MDGA2: variants seen among roughly 807,000 people sequenced by gnomAD.
MDGA2 encodes the protein MAM domain-containing glycosylphosphatidylinositol anchor protein 2.
A neutral mutation model predicts 117.8 loss-of-function variants in MDGA2; 40 were observed. That is an observed-to-expected ratio of 0.34 (90% CI 0.26 to 0.44). The LOEUF is 0.44. Ranked by LOEUF, MDGA2 falls within the 20% of genes least tolerant of loss-of-function variation. The pLI is 1.00. For synonymous variants in MDGA2, 452 were observed against 439.0 expected (o/e 1.03, Z -0.37); for missense variants, 1,123 against 1,250.6 (o/e 0.90, Z 1.54).
intron 3 of MDGA2, among the ~76,000 whole-genome samples, chr14:47,164,724 C>A (rs1287850817): frequency 3.9e-5 from 6 of 152,096 alleles, no homozygotes; most frequent in African/African-American, 9.7e-5. Context: ...CTGGAAATAC[C>A]ATTTGACCCA....
intron 9 of MDGA2, among the ~76,000 whole-genome samples, chr14:46,930,568 G>C (rs1313101705): frequency 6.6e-6 from 1 of 152,034 alleles, no homozygotes; most frequent in Non-Finnish European, 1.5e-5. Flanking sequence ...ATATAAGACC[G>C]GTTTAATGAC....
chr14:47,661,861 A>G (rs2064797), intron 1 of MDGA2, among the ~76,000 whole-genome samples: 149,551 of 150,270 alleles, frequency 1, 74,423 homozygotes, highest in East Asian at 1. Context: ...TCAGCCTCCC[A>G]AGTAGCTGGG....
intron 6 of MDGA2, among the ~76,000 whole-genome samples, chr14:47,087,763 A>T: frequency 6.7e-6 from 1 of 149,154 alleles, no homozygotes; most frequent in East Asian, 2.0e-4. Flanking sequence ...TCATATTAGT[A>T]TTCATTGTCT....
At chr14:47,088,192 T>C (rs1235676963) in intron 6 of MDGA2, among the ~76,000 whole-genome samples, 1 of 152,136 alleles carries the variant, frequency 6.6e-6, no homozygotes, top group East Asian at 1.9e-4. Context: ...GCTACCTAAA[T>C]TCACATGAGA....
chr14:47,645,590 T>C (rs977904555), intron 1 of MDGA2, among the ~76,000 whole-genome samples: 13 of 151,910 alleles, frequency 8.6e-5, no homozygotes, highest in Non-Finnish European at 1.8e-4. Context: ...ATTCGTATAA[T>C]TCTTATAAAA....
chr14:47,081,316 A>G (rs1890700014), intron 6 of MDGA2, among the ~76,000 whole-genome samples: 1 of 152,172 alleles, frequency 6.6e-6, no homozygotes, highest in African/African-American at 2.4e-5. Flanking sequence ...GGAAACACGA[A>G]CAACTTAATG....
intron 9 of MDGA2, among the ~76,000 whole-genome samples, chr14:46,931,236 ACT>A (rs1265463874): frequency 1.6e-4 from 23 of 143,116 alleles, no homozygotes; most frequent in Admixed American, 1.5e-3. Flanking sequence ...AAAAAAAAAA[ACT>A]CAAAATCTTT....
intron 8 of MDGA2, among the ~76,000 whole-genome samples, chr14:47,030,307 G>A (rs1888616768): frequency 6.6e-6 from 1 of 151,942 alleles, no homozygotes. Flanking sequence ...CTGAGGTCAG[G>A]AGTTCGAGAC....
intron 9 of MDGA2, among the ~76,000 whole-genome samples, chr14:46,952,364 T>G (rs1885399455): frequency 6.6e-6 from 1 of 151,926 alleles, no homozygotes; most frequent in South Asian, 2.1e-4. Context: ...GATGTACCAT[T>G]TATTGATGGT....
intron 3 of MDGA2, among the ~76,000 whole-genome samples, chr14:47,183,449 A>G (rs1436853380): frequency 6.6e-6 from 1 of 152,060 alleles, no homozygotes; most frequent in South Asian, 2.1e-4. Flanking sequence ...CTACTGCCAC[A>G]ATGTTCATAT....
At chr14:47,333,968 C>T (rs910853977) in intron 1 of MDGA2, among the ~76,000 whole-genome samples, 1 of 151,470 alleles carries the variant, frequency 6.6e-6, no homozygotes. Context: ...CAGATATTTC[C>T]TCTAGGAAAA....
At chr14:47,564,322 A>C (rs940295597) in intron 1 of MDGA2, among the ~76,000 whole-genome samples, 5 of 152,124 alleles carry the variant, frequency 3.3e-5, no homozygotes, top group African/African-American at 1.2e-4. Flanking sequence ...GCTGCTGACA[A>C]AGGCATACCT....
At position 47,205,074 on chromosome 14, in the gene MDGA2, C is replaced by T. The variant is rs557873070; in HGVS notation, c.595+12947G>A. On this transcript the variant is annotated intron_variant, in intron 3 of 16. Transcript: ENST00000399232. ...ATGATATATACAGATACATAACATA[C>T]ATATATAGTTCGTTTCTGTCTGTAC... Among the ~76,000 whole-genome samples, 28 of 151,760 alleles carry T rather than the reference C, an allele frequency of 1.8e-4. 2 individuals are homozygous for T. Among genetic ancestry groups the T allele is most frequent in the Admixed American group, 3.3e-4 (5 of 15,246 alleles).
chr14:47,499,275 A>G (rs1191824032), intron 1 of MDGA2, among the ~76,000 whole-genome samples: 1 of 152,192 alleles, frequency 6.6e-6, no homozygotes, highest in Non-Finnish European at 1.5e-5. Flanking sequence ...AAATCTTAGC[A>G]TATTGGAGAT....
intron 9 of MDGA2, among the ~76,000 whole-genome samples, chr14:46,924,750 A>T (rs1884263426): frequency 6.6e-6 from 1 of 152,114 alleles, no homozygotes; most frequent in Non-Finnish European, 1.5e-5. Flanking sequence ...TCAAAACAAG[A>T]ACAAATTTCT....
At chr14:47,528,545 C>T (rs1009641722) in intron 1 of MDGA2, among the ~76,000 whole-genome samples, 2 of 152,060 alleles carry the variant, frequency 1.3e-5, no homozygotes, top group African/African-American at 4.8e-5. Context: ...AATAGATTTC[C>T]AGTAGATTTG....
intron 1 of MDGA2, among the ~76,000 whole-genome samples, chr14:47,309,510 G>A (rs1466192764): frequency 1.3e-5 from 2 of 151,942 alleles, no homozygotes; most frequent in African/African-American, 4.8e-5. Context: ...TTAATATTTT[G>A]TATTATTTCC....
chr14:47,517,042 T>G (rs773596029), intron 1 of MDGA2, among the ~76,000 whole-genome samples: 8 of 152,184 alleles, frequency 5.3e-5, no homozygotes, highest in Non-Finnish European at 8.8e-5. Flanking sequence ...AGATTGAGAC[T>G]CAGCATAGTT....
intron 15 of MDGA2, among the ~76,000 whole-genome samples, chr14:46,852,300 T>G (rs750791354): frequency 6.7e-6 from 1 of 150,036 alleles, no homozygotes; most frequent in South Asian, 2.1e-4. Context: ...TATCAGATAA[T>G]GAAGAAGTGT....
Sources: gnomAD v4.1 joint callset for allele counts (sites outside exome capture counted in the v4.1 genomes callset) on GRCh38, gnomAD v4.1.1 for gene constraint, MANE v1.5 for transcripts, NCBI Gene and HGNC (gene_info 2026-07-23, HGNC 2026-07-21) for gene names.